Variants in RGS17 observed in about 807,000 individuals in gnomAD.
RGS17 encodes regulator of G-protein signaling 17.
In RGS17, 12 loss-of-function variants were observed where a neutral mutation model predicts 25.5. That is an observed-to-expected ratio of 0.47 (90% confidence interval 0.30 to 0.76). RGS17 has a LOEUF of 0.76. Among genes scored for constraint, RGS17 ranks in the 30% least tolerant of loss-of-function variants. The pLI, the probability that RGS17 is intolerant of heterozygous loss-of-function variation, is 0.07. For missense variants in RGS17, 196 were observed against 242.2 expected, an observed-to-expected ratio of 0.81 and a Z score of 1.27; for synonymous variants, 71 against 76.9, an observed-to-expected ratio of 0.92 and a Z score of 0.40.
intron 1 of RGS17, among the ~76,000 whole-genome samples, chr6:153,066,982 A>G (rs552083723): frequency 6.8e-4 from 103 of 152,072 alleles, no homozygotes; most frequent in African/African-American, 2.4e-3. Flanking sequence ...GGAGCTTGCA[A>G]TGAGCTGAGA....
chr6:153,059,723 AC>A (rs1776610546), intron 1 of RGS17, among the ~76,000 whole-genome samples: 1 of 152,168 alleles, frequency 6.6e-6, no homozygotes, highest in Non-Finnish European at 1.5e-5. Flanking sequence ...TGTTATTATT[AC>A]TCCTGGACCA....
intron 2 of RGS17, among the ~76,000 whole-genome samples, chr6:153,035,413 T>G (rs922977911): frequency 6.6e-6 from 1 of 152,138 alleles, no homozygotes; most frequent in African/African-American, 2.4e-5. Context: ...GAACAAGTAA[T>G]TCTTGAATCA....
At chr6:153,055,966 G>T (rs2129113354) in intron 1 of RGS17, among the ~76,000 whole-genome samples, 1 of 152,282 alleles carries the variant, frequency 6.6e-6, no homozygotes, top group Non-Finnish European at 1.5e-5. Context: ...ATAAATGTAA[G>T]GATATGAACT....
chr6:153,113,648 C>T lies in RGS17; in HGVS notation c.-26+17476G>A, dbSNP rs184338639. 2.0e-5 allele frequency among the ~76,000 whole-genome samples: 3 copies of T among 152,284 alleles called. No individual in the cohort carries two copies. In the East Asian group the frequency reaches 5.8e-4, roughly 29 times the overall value. On this transcript the variant is annotated intron_variant, in intron 1 of 4. Coordinates refer to ENST00000206262, the MANE Select transcript of RGS17 (RefSeq NM_012419.5). ...ATATATTCTTCTTAGCACCACATTG[C>T]ACTTATTCTAAAATTGACCACATAA...
chr6:153,101,129 A>G (rs979887928), intron 1 of RGS17, among the ~76,000 whole-genome samples: 2 of 152,230 alleles, frequency 1.3e-5, no homozygotes, highest in Non-Finnish European at 1.5e-5. Flanking sequence ...TAATTTGTCC[A>G]TGTTCCAAGC....
At chr6:153,021,163 G>A (rs1453342807) in intron 4 of RGS17, among the ~76,000 whole-genome samples, 1 of 152,126 alleles carries the variant, frequency 6.6e-6, no homozygotes, top group Non-Finnish European at 1.5e-5. Context: ...AGACTCAGAG[G>A]GGTAAAGTGA....
chr6:153,077,541 A>G (rs1317190914), intron 1 of RGS17, among the ~76,000 whole-genome samples: 1 of 152,198 alleles, frequency 6.6e-6, no homozygotes, highest in Non-Finnish European at 1.5e-5. Flanking sequence ...TTTAAATGGT[A>G]TATCTTTCTG....
At chr6:153,054,633 A>G (rs541752116) in intron 1 of RGS17, among the ~76,000 whole-genome samples, 9 of 148,926 alleles carry the variant, frequency 6.0e-5, no homozygotes, top group African/African-American at 2.2e-4. Flanking sequence ...CCTGGGCAAC[A>G]GTGCATGACT....
chr6:153,097,358 G>A (rs1422675416), intron 1 of RGS17, among the ~76,000 whole-genome samples: 3 of 140,150 alleles, frequency 2.1e-5, no homozygotes, highest in African/African-American at 5.4e-5. Flanking sequence ...GAGTGCAGTG[G>A]CACCATCTCA....
At chr6:153,071,164 A>G (rs1562326328) in intron 1 of RGS17, among the ~76,000 whole-genome samples, 1 of 149,934 alleles carries the variant, frequency 6.7e-6, no homozygotes, top group East Asian at 1.9e-4. Flanking sequence ...GTACATATAC[A>G]CACACTCATA....
rs375148628 is a variant in RGS17, at chr6:153,074,498, A to T, written c.-25-30455T>A. On this transcript the variant is annotated intron_variant, in intron 1 of 4. Coordinates refer to ENST00000206262, the MANE Select transcript of RGS17 (RefSeq NM_012419.5). Reference sequence around the variant, plus strand: ...CATTTCCAGCAGCTTCCTCACTACAAAACTCCCTGTTAAAGCAGAATGGAT... The same window carrying T: ...CATTTCCAGCAGCTTCCTCACTACATAACTCCCTGTTAAAGCAGAATGGAT... Among the ~76,000 whole-genome samples the T allele has an allele frequency of 7.1e-4, 108 of 152,284 alleles. 1 individual carries two copies. In the South Asian group the frequency reaches 0.022, roughly 31 times the overall value.
At chr6:153,052,740 T>G (rs887599568) in intron 1 of RGS17, among the ~76,000 whole-genome samples, 1 of 152,228 alleles carries the variant, frequency 6.6e-6, no homozygotes, top group African/African-American at 2.4e-5. Context: ...AGACATGAAT[T>G]GTGGAGGGCC....
chr6:153,049,206 C>A (rs1776428174), intron 1 of RGS17, among the ~76,000 whole-genome samples: 1 of 151,982 alleles, frequency 6.6e-6, no homozygotes, highest in African/African-American at 2.4e-5. Flanking sequence ...AAGAGGGATG[C>A]CAGTTTAAGC....
intron 1 of RGS17, among the ~76,000 whole-genome samples, chr6:153,053,905 TACAC>T (rs1450977421): frequency 2.4e-5 from 3 of 124,572 alleles, no homozygotes; most frequent in South Asian, 2.7e-4. Context: ...CATACATACA[TACAC>T]ACATTATATA....
intron 1 of RGS17, among the ~76,000 whole-genome samples, chr6:153,051,786 G>A (rs1309175338): frequency 6.6e-6 from 1 of 152,184 alleles, no homozygotes; most frequent in Non-Finnish European, 1.5e-5. Context: ...AATCCATATT[G>A]CACAAAATGA....
chr6:153,109,783 T>C (rs932639154), intron 1 of RGS17, among the ~76,000 whole-genome samples: 4 of 152,248 alleles, frequency 2.6e-5, no homozygotes, highest in African/African-American at 9.6e-5. Flanking sequence ...TTTAAACTTA[T>C]CATGCTATAT....
rs547236903 is a variant in RGS17 at position 153,048,349 on chromosome 6, T to C, written c.-25-4306A>G. 8.5e-5 allele frequency among the ~76,000 whole-genome samples: 13 copies of C among 152,318 alleles called. No homozygotes were observed. The South Asian group carries it at 2.7e-3, about 32-fold the overall frequency. ...ATCAGCAAATGTGAGACTTCTTAAC[T>C]GGTATCTGCTACCCATCTTCTGTTT... is the stretch of plus-strand genomic sequence containing the variant. On this transcript the variant is annotated intron_variant, in intron 1 of 4. Transcript: ENST00000206262.
At chr6:153,125,755 G>C (rs1255553561) in intron 1 of RGS17, among the ~76,000 whole-genome samples, 16 of 152,224 alleles carry the variant, frequency 1.1e-4, no homozygotes, top group Admixed American at 7.2e-4. Context: ...GAGGTGGCAA[G>C]ATCACCTGAG....
chr6:153,017,072 A>G (rs758424681), intron 4 of RGS17, among the ~76,000 whole-genome samples: 26 of 152,182 alleles, frequency 1.7e-4, no homozygotes, highest in Non-Finnish European at 3.2e-4. Context: ...TCAGGCCACA[A>G]AGACCCATAC....
Sources: gnomAD v4.1 joint callset for allele counts (sites outside exome capture counted in the v4.1 genomes callset) on GRCh38, gnomAD v4.1.1 for gene constraint, MANE v1.5 for transcripts, NCBI Gene and HGNC (gene_info 2026-07-23, HGNC 2026-07-21) for gene names.